RAPGEF2: variants seen among roughly 807,000 people sequenced by gnomAD.
The protein encoded by RAPGEF2 is PDZ domain containing guanine nucleotide exchange factor (GEF) 1.
A neutral mutation model predicts 186.7 loss-of-function variants in RAPGEF2; 54 were observed. That is an observed-to-expected ratio of 0.29 (90% CI 0.23 to 0.36). The LOEUF is 0.36. RAPGEF2 is among the 10% of genes least tolerant of loss of function. The pLI is 1.00. For synonymous variants in RAPGEF2, 712 were observed against 705.9 expected (o/e 1.01, Z -0.14); for missense variants, 1,532 against 2,045.0 (o/e 0.75, Z 4.84).
chr4:159,350,066 T>A, intron 25 of RAPGEF2, 71 bp from the exon 26 acceptor site: 1 of 1,137,934 alleles, frequency 8.8e-7, no homozygotes, highest in South Asian at 2.1e-5. Context: ...CAAAAAAGTT[T>A]TTTATTCATA....
At chr4:159,211,938 G>A (rs1335906131) in intron 4 of RAPGEF2, among the ~76,000 whole-genome samples, 1 of 152,114 alleles carries the variant, frequency 6.6e-6, no homozygotes, top group East Asian at 1.9e-4. Flanking sequence ...AATAATTGTA[G>A]TAGTAAAAAT....
chr4:159,225,963 A>G (rs1416827559), intron 4 of RAPGEF2, among the ~76,000 whole-genome samples: 1 of 152,132 alleles, frequency 6.6e-6, no homozygotes, highest in Non-Finnish European at 1.5e-5. Context: ...GTCTTTTTGA[A>G]AGTTAAGTCT....
intron 7 of RAPGEF2, among the ~76,000 whole-genome samples, chr4:159,286,030 AACCACCACCACCACCACCACC>A (rs35426817): frequency 1.5e-3 from 131 of 89,298 alleles, no homozygotes; most frequent in East Asian, 9.7e-3. Flanking sequence ...TGTTCCCCCC[AACCACCACCACCACCACCACC>A]ACCACCACCA....
chr4:159,112,641 T>C (rs1335644492), intron 1 of RAPGEF2, among the ~76,000 whole-genome samples: 1 of 152,062 alleles, frequency 6.6e-6, no homozygotes, highest in Non-Finnish European at 1.5e-5. Context: ...AGACACCTCT[T>C]TGTTATAGAA....
At chr4:159,263,890 T>G (rs1757149402) in intron 7 of RAPGEF2, among the ~76,000 whole-genome samples, 1 of 152,162 alleles carries the variant, frequency 6.6e-6, no homozygotes, top group African/African-American at 2.4e-5. Flanking sequence ...TTTCCTGAAC[T>G]ATATAATCTC....
intron 7 of RAPGEF2, among the ~76,000 whole-genome samples, chr4:159,273,684 TTCTTTC>T (rs1304009109): frequency 2.7e-5 from 4 of 147,118 alleles, no homozygotes; most frequent in African/African-American, 1.0e-4. Flanking sequence ...CTTTCTTTCT[TTCTTTC>T]TTTCTTTCTT....
Position 159,299,443 on chromosome 4 carries a change from AAGAC to A in RAPGEF2, c.544-4895_544-4892del, listed in dbSNP as rs561090884. ...TCTCTTTTACATTAAAAAAAAAAAA[AAGAC>A]AGAGAGAATAAGCCTCTGTTGATAA... On this transcript the variant is annotated intron_variant, in intron 7 of 29. Coordinates refer to ENST00000691494, the MANE Select transcript of RAPGEF2 (RefSeq NM_001394067.2). Among the ~76,000 whole-genome samples, 72 of 151,840 alleles carry A rather than the reference AAGAC, an allele frequency of 4.7e-4. No homozygotes were observed. In the East Asian group the frequency reaches 7.5e-3, roughly 16 times the overall value.
intron 3 of RAPGEF2, among the ~76,000 whole-genome samples, chr4:159,205,237 A>G (rs1749846142): frequency 6.6e-6 from 1 of 152,176 alleles, no homozygotes; most frequent in Admixed American, 6.5e-5. Flanking sequence ...CTCCTATCTA[A>G]TGATCAGAAA....
intron 7 of RAPGEF2, chr4:159,267,205 G>A: frequency 7.8e-7 from 1 of 1,288,740 alleles, no homozygotes; most frequent in Admixed American, 2.3e-5. Context: ...AATGCCGTTT[G>A]TTTCCTAAGA....
At chr4:159,176,661 A>G (rs917832605) in intron 1 of RAPGEF2, among the ~76,000 whole-genome samples, 1 of 152,220 alleles carries the variant, frequency 6.6e-6, no homozygotes, top group South Asian at 2.1e-4. Context: ...AGATGAAAAA[A>G]TATCCAAGAA....
At chr4:159,170,399 A>T (rs1419475917) in intron 1 of RAPGEF2, among the ~76,000 whole-genome samples, 3 of 152,342 alleles carry the variant, frequency 2.0e-5, no homozygotes, top group East Asian at 1.9e-4. Context: ...AAGATATTTT[A>T]AAAAACCAAT....
intron 22 of RAPGEF2, among the ~76,000 whole-genome samples, chr4:159,343,802 G>A (rs1301587966): frequency 6.6e-6 from 1 of 152,190 alleles, no homozygotes; most frequent in Non-Finnish European, 1.5e-5. Flanking sequence ...GATTAATTCA[G>A]TGAAAGAGAG....
chr4:159,316,635 A>G (rs915226905), intron 9 of RAPGEF2, among the ~76,000 whole-genome samples: 1 of 152,220 alleles, frequency 6.6e-6, no homozygotes, highest in African/African-American at 2.4e-5. Flanking sequence ...ATGTCCCTGC[A>G]AAGGACATGA....
chr4:159,302,121 G>C (rs1227958582), intron 7 of RAPGEF2, among the ~76,000 whole-genome samples: 4 of 151,992 alleles, frequency 2.6e-5, no homozygotes, highest in Admixed American at 6.5e-5. Context: ...CTGATATTTG[G>C]CTGTAAGTAG....
At position 159,341,692 on chromosome 4, in the gene RAPGEF2, T is replaced by C. The variant is rs1008069303; in HGVS notation, c.2663T>C (p.Met888Thr). ...STVEVATQLS[M>T]RNFELFRNIE... is the part of the protein sequence containing the mutation. ...GTGGAAGTTGCAACACAGCTCTCTA[T>C]GCGAAATTTTGAACTCTTTCGCAAC... The change falls in exon 20 of 30, where the codon ATG (methionine) becomes ACG (threonine). Residue 888 changes from methionine (M) to threonine (T), a missense_variant. Coordinates refer to ENST00000691494, the MANE Select transcript of RAPGEF2 (RefSeq NM_001394067.2). 1.2e-6 allele frequency: 2 copies of C among 1,614,120 alleles called. No individual in the cohort carries two copies. Among genetic ancestry groups the C allele is most frequent in the Non-Finnish European group, 1.7e-6 (2 of 1,179,956 alleles).
intron 7 of RAPGEF2, among the ~76,000 whole-genome samples, chr4:159,252,085 C>G (rs896955487): frequency 6.6e-6 from 1 of 152,166 alleles, no homozygotes; most frequent in East Asian, 1.9e-4. Flanking sequence ...CCGTGAGGGT[C>G]TGTGGTTTCA....
intron 4 of RAPGEF2, among the ~76,000 whole-genome samples, chr4:159,217,579 C>T (rs1355832314): frequency 2.0e-5 from 3 of 152,186 alleles, no homozygotes; most frequent in Non-Finnish European, 4.4e-5. Context: ...TGGGTTGATT[C>T]CATGTCTTTG....
intron 4 of RAPGEF2, 76 bp downstream of exon 4, chr4:159,210,659 TTTCTC>T (rs1348205737): frequency 1.7e-5 from 19 of 1,145,054 alleles, no homozygotes; most frequent in Admixed American, 4.2e-5. Flanking sequence ...CTAAAATTCT[TTTCTC>T]TTCCTGTGTT....
intron 7 of RAPGEF2, among the ~76,000 whole-genome samples, chr4:159,263,091 A>G (rs531718564): frequency 6.6e-6 from 1 of 152,320 alleles, no homozygotes; most frequent in Non-Finnish European, 1.5e-5. Flanking sequence ...GAAAGTAGAA[A>G]AATGAAATTT....
Sources: gnomAD v4.1 joint callset for allele counts (sites outside exome capture counted in the v4.1 genomes callset) on GRCh38, gnomAD v4.1.1 for gene constraint, MANE v1.5 for transcripts, NCBI Gene and HGNC (gene_info 2026-07-23, HGNC 2026-07-21) for gene names.